The following CAST variants were observed in gnomAD, a reference collection of about 807,000 sequenced individuals.
CAST encodes the protein MIR583 host.
In CAST, 76 loss-of-function variants were observed where a neutral mutation model predicts 119.6. The ratio of observed to expected loss-of-function variants is 0.64; its 90% confidence interval spans 0.53 to 0.77. The LOEUF is 0.77. Ranked by LOEUF, CAST falls within the 30% of genes least tolerant of loss-of-function variation. CAST has a pLI of 0.00. For missense variants in CAST, 953 were observed against 946.5 expected, an observed-to-expected ratio of 1.01 and a Z score of -0.09; for synonymous variants, 319 against 331.6, an observed-to-expected ratio of 0.96 and a Z score of 0.41.
the CAST span, among the ~76,000 whole-genome samples, chr5:96,217,204 A>ATTTCTTTTTTT: frequency 2.1e-5 from 2 of 97,020 alleles, no homozygotes; most frequent in African/African-American, 8.1e-5. Flanking sequence ...ATGCTAGCTA[A>ATTTCTTTTTTT]TTTTTTTTTT....
At chr5:96,664,048 C>T (rs989976994) in intron 1 of CAST, among the ~76,000 whole-genome samples, 1 of 151,278 alleles carries the variant, frequency 6.6e-6, no homozygotes, top group African/African-American at 2.4e-5. Context: ...ATGTCTTTTT[C>T]TCTCTTGGCA....
At chr5:96,503,219 A>C in the CAST span, among the ~76,000 whole-genome samples, 1 of 152,074 alleles carries the variant, frequency 6.6e-6, no homozygotes, top group Non-Finnish European at 1.5e-5. Context: ...GCCTTTTCCT[A>C]TATTGATTTT....
the CAST span, among the ~76,000 whole-genome samples, chr5:96,280,761 A>AT: frequency 1.2e-3 from 180 of 147,758 alleles, no homozygotes; most frequent in Admixed American, 1.7e-3. Context: ...TAGAGGTAAG[A>AT]TTTTTTTTTT....
upstream of CAST, among the ~76,000 whole-genome samples, chr5:96,521,836 A>C (rs940159605): frequency 6.6e-6 from 1 of 152,194 alleles, no homozygotes; most frequent in African/African-American, 2.4e-5. Context: ...TAAAATGACT[A>C]GGCCGGGTGC....
chr5:96,647,294 T>A (rs918493695), intron 1 of CAST, among the ~76,000 whole-genome samples: 2 of 152,206 alleles, frequency 1.3e-5, no homozygotes, highest in African/African-American at 4.8e-5. Context: ...TACAAGATCA[T>A]ACACTGAGGA....
the CAST span, among the ~76,000 whole-genome samples, chr5:96,281,091 T>C: frequency 1.3e-5 from 2 of 152,362 alleles, no homozygotes; most frequent in East Asian, 1.9e-4. Flanking sequence ...TCAAGATACA[T>C]TGATTCTGAC....
chr5:96,746,286 T>A, intron 16 of CAST, 56 bp from the exon 17 acceptor site: 1 of 946,234 alleles, frequency 1.1e-6, no homozygotes, highest in East Asian at 2.4e-5. Context: ...GGAAGTGATA[T>A]CATCTCATTA....
the CAST span, among the ~76,000 whole-genome samples, chr5:96,468,039 T>C: frequency 6.9e-6 from 1 of 145,114 alleles, no homozygotes; most frequent in African/African-American, 2.5e-5. Flanking sequence ...ATATGCACCA[T>C]GGAATACTAC....
the CAST span, chr5:96,393,452 A>G: frequency 1.9e-6 from 3 of 1,553,384 alleles, no homozygotes; most frequent in Admixed American, 3.4e-5. Flanking sequence ...TTGCAACCCT[A>G]CCACAGGAAC....
the CAST span, among the ~76,000 whole-genome samples, chr5:96,018,634 T>A: frequency 1.3e-5 from 2 of 152,174 alleles, no homozygotes. Flanking sequence ...CATTTCAGTA[T>A]TTGGGGAAGA....
At chr5:96,440,379 C>A in the CAST span, among the ~76,000 whole-genome samples, 1 of 152,096 alleles carries the variant, frequency 6.6e-6, no homozygotes, top group South Asian at 2.1e-4. Flanking sequence ...ACTGTTCAGA[C>A]CTACCCACGC....
chr5:96,688,939 A>G (rs999314894), intron 2 of CAST, among the ~76,000 whole-genome samples: 1 of 152,034 alleles, frequency 6.6e-6, no homozygotes, highest in Non-Finnish European at 1.5e-5. Context: ...CCCCTAAGAG[A>G]TACTTTCAGA....
chr5:96,050,114 G>A, the CAST span: 1 of 152,266 alleles, frequency 6.6e-6, no homozygotes. Flanking sequence ...GATGGGGAGG[G>A]AGAATATCAG....
chr5:96,093,049 A>G, the CAST span, among the ~76,000 whole-genome samples: 1 of 152,206 alleles, frequency 6.6e-6, no homozygotes, highest in Non-Finnish European at 1.5e-5. Flanking sequence ...TTCTTAATTT[A>G]AAAAATTTAA....
At chr5:96,589,901 C>T (rs2150191386) in intron 1 of CAST, among the ~76,000 whole-genome samples, 1 of 152,228 alleles carries the variant, frequency 6.6e-6, no homozygotes, top group Non-Finnish European at 1.5e-5. Flanking sequence ...AGGAACTGCC[C>T]ATTAAAATCA....
At chr5:96,441,519 C>G in the CAST span, among the ~76,000 whole-genome samples, 1 of 152,038 alleles carries the variant, frequency 6.6e-6, no homozygotes, top group East Asian at 1.9e-4. Context: ...CCTCTTGGAG[C>G]AATTTGCTTC....
At chr5:96,735,134 C>A (rs1309170613) in intron 9 of CAST, among the ~76,000 whole-genome samples, 1 of 152,218 alleles carries the variant, frequency 6.6e-6, no homozygotes, top group Non-Finnish European at 1.5e-5. Context: ...TTGTAACAGT[C>A]ACTTATTTAG....
At chr5:96,436,225 C>A in the CAST span, among the ~76,000 whole-genome samples, 1 of 152,142 alleles carries the variant, frequency 6.6e-6, no homozygotes, top group Non-Finnish European at 1.5e-5. Flanking sequence ...GCAAACCTAC[C>A]TATAGCAGTG....
chr5:96,460,873 T>G, the CAST span, among the ~76,000 whole-genome samples: 2 of 152,280 alleles, frequency 1.3e-5, no homozygotes, highest in African/African-American at 4.8e-5. Context: ...ATAGCTTTAT[T>G]GAGGTATAAG....
Sources: gnomAD v4.1 joint callset for allele counts (sites outside exome capture counted in the v4.1 genomes callset) on GRCh38, gnomAD v4.1.1 for gene constraint, MANE v1.5 for transcripts, NCBI Gene and HGNC (gene_info 2026-07-23, HGNC 2026-07-21) for gene names.